The following KTN1 variants were observed in gnomAD, a reference collection of about 807,000 sequenced individuals.
KTN1 encodes kinectin.
Under a neutral mutation model 222.5 loss-of-function variants are expected in KTN1, and 130 were observed. The observed-to-expected ratio is 0.58, with a 90% CI of 0.51 to 0.68. The LOEUF is 0.68. KTN1 is among the 30% of genes least tolerant of loss of function. The pLI is 0.00. For missense variants in KTN1, 1,508 were observed against 1,500.4 expected, an observed-to-expected ratio of 1.01 and a Z score of -0.08; for synonymous variants, 512 against 496.3, an observed-to-expected ratio of 1.03 and a Z score of -0.42.
At chr14:55,608,994 G>T (rs1285776946) in intron 1 of KTN1, among the ~76,000 whole-genome samples, 1 of 151,278 alleles carries the variant, frequency 6.6e-6, no homozygotes, top group East Asian at 1.9e-4. Context: ...AATTGGGATT[G>T]TTGGGTTAAA....
chr14:55,612,670 A>G, intron 2 of KTN1, 99 bp downstream of exon 2: 1 of 938,246 alleles, frequency 1.1e-6, no homozygotes, highest in Non-Finnish European at 1.5e-6. Flanking sequence ...TTAATATTGA[A>G]TTTGAAACCA....
At chr14:55,665,556 G>A (rs2044637358) in intron 33 of KTN1, among the ~76,000 whole-genome samples, 1 of 151,948 alleles carries the variant, frequency 6.6e-6, no homozygotes, top group Admixed American at 6.6e-5. Context: ...ATGTTGTGAT[G>A]AAAAGGAACT....
intron 11 of KTN1, 91 bp from the exon 12 acceptor site, chr14:55,637,688 A>G (rs2041299569): frequency 1.2e-6 from 1 of 856,314 alleles, no homozygotes; most frequent in Non-Finnish European, 1.8e-6. Context: ...AAAGAAAAAG[A>G]TAAACAAATG....
chr14:55,604,945 T>A (rs1161327153), intron 1 of KTN1, among the ~76,000 whole-genome samples: 1 of 152,202 alleles, frequency 6.6e-6, no homozygotes, highest in Admixed American at 6.5e-5. Context: ...ACTGCTGATT[T>A]TTCCCACTTG....
intron 21 of KTN1, among the ~76,000 whole-genome samples, chr14:55,649,136 A>G (rs958861489): frequency 5.9e-5 from 9 of 152,148 alleles, no homozygotes; most frequent in South Asian, 2.1e-4. Context: ...CATGTTGTCC[A>G]GACTGGTCAC....
Position 55,616,575 on chromosome 14 carries a change from G to T in KTN1, c.582G>T (p.Leu194Phe), listed in dbSNP as rs201889765. Residue 194 changes from leucine to phenylalanine, a missense_variant, in exon 3 of 44, where the codon TTG (leucine) becomes TTT (phenylalanine). By Grantham distance (22) the Leu-to-Phe change is conservative (BLOSUM62 0). Coordinates refer to ENST00000395314, the MANE Select transcript of KTN1 (RefSeq NM_001079521.2). ...TACCATCAAAAAGGCAAGAAGCATT[G>T]CCCCTCCACCAAGAGACTAAACAAG... ...LMVPSKRQEALPLHQETKQES... is the reference protein window; with the variant it reads ...LMVPSKRQEAFPLHQETKQES... 1.3e-5 allele frequency: 21 copies of T among 1,607,834 alleles called. No individual in the cohort carries two copies. The East Asian group carries it at 4.7e-4, about 36-fold the overall frequency.
chr14:55,649,827 T>G lies in KTN1; in HGVS notation c.2405+14T>G. The G allele has an allele frequency of 1.4e-6, 2 of 1,453,496 alleles. No individual in the cohort carries two copies. The highest frequency in any genetic ancestry group is 1.9e-6 in the Non-Finnish European group (2 of 1,058,154). The allele number at this position is 1,453,496 out of a possible 1,614,324, so 90.0% of individuals were successfully genotyped here. A position where few individuals can be genotyped will look rare whatever the true frequency, so the allele number is the denominator to read the frequency against. ...ACTTAAGAAAGTGTAAGTGATAACA[T>G]TATTATAAACTGGTTTTTCTTCTTT... On this transcript the variant is annotated intron_variant, in intron 22 of 43. Transcript: ENST00000395314.
rs904846056 is a variant in KTN1 at position 55,637,668 on chromosome 14, TAAAA to T, written c.1717-102_1717-99del. 6.4e-6 allele frequency: 4 copies of T among 628,708 alleles called. No individual in the cohort carries two copies. The Admixed American group carries it at 1.2e-4, about 18-fold the overall frequency. 38.9% of individuals were successfully genotyped at this position (628,708 alleles called of 1,614,324 possible). On this transcript the variant is annotated intron_variant, in intron 11 of 43. Coordinates refer to ENST00000395314, the MANE Select transcript of KTN1 (RefSeq NM_001079521.2). ...TGCCTTTTGGAATCTAAGAATGCCT[TAAAA>T]AAAAAAAAGAAAAAGATAAACAAAT...
chr14:55,625,401 C>T (rs912619255), intron 5 of KTN1, among the ~76,000 whole-genome samples: 48 of 152,096 alleles, frequency 3.2e-4, no homozygotes, highest in African/African-American at 1.1e-3. Context: ...AATTTGGGCC[C>T]CATGCTGTGT....
chr14:55,613,594 A>G (rs1370417054), intron 2 of KTN1, among the ~76,000 whole-genome samples: 1 of 149,220 alleles, frequency 6.7e-6, no homozygotes, highest in Non-Finnish European at 1.5e-5. Flanking sequence ...CCCAAGTTCA[A>G]GTGATTCTCC....
intron 1 of KTN1, among the ~76,000 whole-genome samples, chr14:55,610,731 CTT>C (rs1309217193): frequency 6.6e-6 from 1 of 152,194 alleles, no homozygotes; most frequent in African/African-American, 2.4e-5. Flanking sequence ...ATACAAGTCA[CTT>C]TTATGTGGCT....
At chr14:55,621,578 A>T (rs1484307431) in intron 5 of KTN1, among the ~76,000 whole-genome samples, 8 of 152,258 alleles carry the variant, frequency 5.3e-5, no homozygotes, top group East Asian at 3.9e-4. Context: ...TTTCCCTTTT[A>T]AAACCCTCAG....
chr14:55,651,084 C>G (rs1325721355), intron 24 of KTN1, among the ~76,000 whole-genome samples: 1 of 152,102 alleles, frequency 6.6e-6, no homozygotes, highest in African/African-American at 2.4e-5. Flanking sequence ...TGATTTTAAT[C>G]TGATAAGGCT....
At chr14:55,590,826 C>T (rs1202456521) in intron 1 of KTN1, among the ~76,000 whole-genome samples, 1 of 152,062 alleles carries the variant, frequency 6.6e-6, no homozygotes, top group Non-Finnish European at 1.5e-5. Context: ...CAGGCATGCA[C>T]CACCACGTCC....
At chr14:55,599,463 AT>A (rs898683140) in intron 1 of KTN1, among the ~76,000 whole-genome samples, 28 of 147,996 alleles carry the variant, frequency 1.9e-4, no homozygotes, top group Non-Finnish European at 3.1e-4. Flanking sequence ...CCATTGAGCC[AT>A]TTTTTTTTTC....
intron 1 of KTN1, among the ~76,000 whole-genome samples, chr14:55,606,839 T>C (rs533706542): frequency 7.9e-5 from 12 of 152,294 alleles, no homozygotes; most frequent in Non-Finnish European, 1.0e-4. Flanking sequence ...AATGTAATGA[T>C]TCTCATTTTT....
chr14:55,640,518 C>T, intron 15 of KTN1, 76 bp downstream of exon 15: 3 of 997,612 alleles, frequency 3.0e-6, no homozygotes, highest in Non-Finnish European at 3.1e-6. Flanking sequence ...ATATTGTGAG[C>T]CCCAATTTGA....
Position 55,652,716 on chromosome 14 carries a change from T to G in KTN1, c.2604-134T>G. 3 of 616,516 alleles carry G rather than the reference T, an allele frequency of 4.9e-6. No individual in the cohort carries two copies. The South Asian group carries it at 6.0e-5, about 12-fold the overall frequency. 38.2% of individuals were successfully genotyped at this position (616,516 alleles called of 1,614,324 possible). A position where few individuals can be genotyped will look rare whatever the true frequency, so the allele number is the denominator to read the frequency against. On this transcript the variant is annotated intron_variant, in intron 25 of 43. Coordinates refer to ENST00000395314, the MANE Select transcript of KTN1 (RefSeq NM_001079521.2). ...GCCTGGCCTTGTATGCCTTTATACT[T>G]GATAAGTTTTAGTTTAGTTCAATCA... is the stretch of plus-strand genomic sequence containing the variant.
intron 9 of KTN1, among the ~76,000 whole-genome samples, chr14:55,636,152 G>A (rs1347569580): frequency 6.6e-6 from 1 of 152,186 alleles, no homozygotes; most frequent in Admixed American, 6.5e-5. Flanking sequence ...ATTGCTAAGT[G>A]GATCAGATGT....
Sources: gnomAD v4.1 joint callset for allele counts (sites outside exome capture counted in the v4.1 genomes callset) on GRCh38, gnomAD v4.1.1 for gene constraint, MANE v1.5 for transcripts, NCBI Gene and HGNC (gene_info 2026-07-23, HGNC 2026-07-21) for gene names.